Variants in CPQ observed in about 807,000 individuals in gnomAD.
CPQ encodes carboxypeptidase Q.
CPQ carries 37 observed loss-of-function variants against 45.7 expected under a neutral mutation model. That is an observed-to-expected ratio of 0.81 (90% CI 0.62 to 1.07). CPQ has a LOEUF of 1.07. Ranked by LOEUF, CPQ falls within the 50% of genes least tolerant of loss-of-function variation. The pLI is 0.00. For missense variants in CPQ, 537 were observed against 572.9 expected, an observed-to-expected ratio of 0.94 and a Z score of 0.64; for synonymous variants, 186 against 205.8, an observed-to-expected ratio of 0.90 and a Z score of 0.82.
At chr8:96,661,051 A>G (rs1815695793) in intron 1 of CPQ, among the ~76,000 whole-genome samples, 1 of 152,218 alleles carries the variant, frequency 6.6e-6, no homozygotes, top group African/African-American at 2.4e-5. Flanking sequence ...AGTTGCTCTG[A>G]ACATAGTAGA....
Position 96,954,935 on chromosome 8 carries a change from T to C in CPQ, c.850-11000T>C, listed in dbSNP as rs560886516. On this transcript the variant is annotated intron_variant, in intron 4 of 7. Coordinates refer to ENST00000220763, the MANE Select transcript of CPQ (RefSeq NM_016134.4). The stretch of plus-strand genomic sequence containing the variant: ...CTACAAAGGACATGAACTCATCATT[T>C]TTTATGGCTGCATAGTATTCCATGA... 4.6e-3 allele frequency among the ~76,000 whole-genome samples: 701 copies of C among 152,308 alleles called. 9 individuals are homozygous for C. The highest frequency in any genetic ancestry group is 0.015 in the African/African-American group (625 of 41,564).
Position 96,992,079 on chromosome 8 carries a change from A to G in CPQ, c.961+26033A>G, listed in dbSNP as rs537376354. 2.0e-5 allele frequency among the ~76,000 whole-genome samples: 3 copies of G among 152,344 alleles called. No homozygotes were observed. In the East Asian group the frequency reaches 5.8e-4, roughly 29 times the overall value. ...CCTTGATGGGTGTGTGGCAGCAATC[A>G]TCAACAGCAAGGTGACCTTCTCTGC... On this transcript the variant is annotated intron_variant, in intron 5 of 7. Transcript: ENST00000220763.
chr8:96,963,404 C>A (rs931783886), intron 4 of CPQ, among the ~76,000 whole-genome samples: 1 of 152,096 alleles, frequency 6.6e-6, no homozygotes, highest in Admixed American at 6.5e-5. Flanking sequence ...CATTTGGGTT[C>A]ATTACATAGC....
chr8:96,799,457 A>AT lies in CPQ; in HGVS notation c.433+14137dup, dbSNP rs374391291. 2.4e-3 allele frequency among the ~76,000 whole-genome samples: 363 copies of AT among 149,482 alleles called. 3 individuals carry two copies. The highest frequency in any genetic ancestry group is 8.4e-3 in the African/African-American group (343 of 40,908). ...TCATCAAGGAAACAGCATTTTCAGT[A>AT]TTTTTTTTTTAGGGCTTAATCTTTG... On this transcript the variant is annotated intron_variant, in intron 2 of 7. Coordinates refer to ENST00000220763, the MANE Select transcript of CPQ (RefSeq NM_016134.4).
chr8:96,810,034 C>A (rs865980822), intron 2 of CPQ, among the ~76,000 whole-genome samples: 7 of 152,070 alleles, frequency 4.6e-5, no homozygotes, highest in Admixed American at 3.3e-4. Context: ...GGAGTAGCTC[C>A]CTCCCCCAGC....
intron 3 of CPQ, among the ~76,000 whole-genome samples, chr8:96,862,476 T>C (rs1388137246): frequency 3.3e-5 from 5 of 152,002 alleles, no homozygotes; most frequent in African/African-American, 1.2e-4. Context: ...AAAAATAATT[T>C]GTGATCAAAT....
chr8:96,985,106 ATAT>A (rs1378095174), intron 5 of CPQ, among the ~76,000 whole-genome samples: 1 of 152,016 alleles, frequency 6.6e-6, no homozygotes, highest in Non-Finnish European at 1.5e-5. Flanking sequence ...AATTTGGAAG[ATAT>A]TATTTTATTT....
intron 6 of CPQ, among the ~76,000 whole-genome samples, chr8:97,038,219 C>T (rs769779781): frequency 5.9e-5 from 9 of 152,316 alleles, no homozygotes; most frequent in Non-Finnish European, 1.3e-4. Flanking sequence ...TTTAAAGTTA[C>T]TCCTAAGAAT....
chr8:96,909,540 A>G (rs1440672343), intron 4 of CPQ, among the ~76,000 whole-genome samples: 2 of 152,132 alleles, frequency 1.3e-5, no homozygotes, highest in South Asian at 4.1e-4. Flanking sequence ...TTTTAATGAG[A>G]GGGAGAGCTG....
intron 4 of CPQ, among the ~76,000 whole-genome samples, chr8:96,893,571 GATA>G (rs1563522735): frequency 6.6e-6 from 1 of 152,108 alleles, no homozygotes; most frequent in Non-Finnish European, 1.5e-5. Flanking sequence ...CAATAGGACT[GATA>G]ATAATGATTC....
intron 1 of CPQ, among the ~76,000 whole-genome samples, chr8:96,720,087 G>A (rs1371880701): frequency 1.3e-5 from 2 of 152,194 alleles, no homozygotes; most frequent in African/African-American, 4.8e-5. Context: ...AATGGAAGAA[G>A]CATGCCACCA....
At chr8:96,905,871 C>T (rs1343327608) in intron 4 of CPQ, among the ~76,000 whole-genome samples, 3 of 151,260 alleles carry the variant, frequency 2.0e-5, no homozygotes, top group East Asian at 1.9e-4. Flanking sequence ...GGTACTTGGG[C>T]AGACAGAAAG....
intron 6 of CPQ, among the ~76,000 whole-genome samples, chr8:97,031,765 T>C (rs1019010449): frequency 6.6e-6 from 1 of 152,174 alleles, no homozygotes. Flanking sequence ...CATACAAATG[T>C]AGCTTCATGT....
chr8:96,753,471 A>G (rs762190455), intron 1 of CPQ, among the ~76,000 whole-genome samples: 1 of 151,960 alleles, frequency 6.6e-6, no homozygotes, highest in African/African-American at 2.4e-5. Flanking sequence ...TATGTAGTCT[A>G]CCTCTCCGGG....
At chr8:96,679,043 T>TA (rs1809113619) in intron 1 of CPQ, among the ~76,000 whole-genome samples, 1 of 152,136 alleles carries the variant, frequency 6.6e-6, no homozygotes, top group Non-Finnish European at 1.5e-5. Flanking sequence ...TTTTGGGTCT[T>TA]ATGTTTTAGT....
chr8:96,897,334 T>G (rs922049573), intron 4 of CPQ, among the ~76,000 whole-genome samples: 3 of 152,210 alleles, frequency 2.0e-5, no homozygotes, highest in African/African-American at 7.2e-5. Context: ...TTTTATCTAG[T>G]CATGATATTA....
chr8:96,756,609 C>T (rs1043758822), intron 1 of CPQ, among the ~76,000 whole-genome samples: 2 of 152,046 alleles, frequency 1.3e-5, no homozygotes, highest in Non-Finnish European at 2.9e-5. Context: ...TGGATTTTCT[C>T]TTTCTATTTT....
At chr8:96,959,862 C>T (rs935293733) in intron 4 of CPQ, among the ~76,000 whole-genome samples, 6 of 139,916 alleles carry the variant, frequency 4.3e-5, no homozygotes, top group African/African-American at 1.4e-4. Context: ...GAGAAGACAG[C>T]TGCTGCAATT....
intron 5 of CPQ, among the ~76,000 whole-genome samples, chr8:96,970,442 C>A (rs544291929): frequency 1.3e-5 from 2 of 152,068 alleles, no homozygotes; most frequent in African/African-American, 2.4e-5. Context: ...GTAGGTAACT[C>A]GTGTTATATT....
Sources: gnomAD v4.1 joint callset for allele counts (sites outside exome capture counted in the v4.1 genomes callset) on GRCh38, gnomAD v4.1.1 for gene constraint, MANE v1.5 for transcripts, NCBI Gene and HGNC (gene_info 2026-07-23, HGNC 2026-07-21) for gene names.